Variants in NTF3 observed in about 807,000 individuals in gnomAD.
The protein encoded by NTF3 is neurotrophin 3.
In NTF3, 8 loss-of-function variants were observed where a neutral mutation model predicts 26.3. The observed-to-expected ratio is 0.30, with a 90% CI of 0.18 to 0.55. NTF3 has a LOEUF of 0.55. Ranked by LOEUF, NTF3 falls within the 20% of genes least tolerant of loss-of-function variation. The pLI is 0.93. For missense variants in NTF3, 276 were observed against 352.9 expected (o/e 0.78, Z 1.75); for synonymous variants, 154 against 145.5 (o/e 1.06, Z -0.42).
intron 1 of NTF3, among the ~76,000 whole-genome samples, chr12:5,473,979 AT>A (rs1251817378): frequency 6.6e-6 from 1 of 152,284 alleles, no homozygotes; most frequent in Admixed American, 6.5e-5. Flanking sequence ...TAGTTGGTCT[AT>A]TGCTCTTGGC....
upstream of NTF3, chr12:5,432,031 G>T: frequency 6.0e-6 from 1 of 167,504 alleles, no homozygotes; most frequent in South Asian, 1.7e-4. Flanking sequence ...GGCGCGGCGC[G>T]GAAGGGGTTA....
intron 1 of NTF3, among the ~76,000 whole-genome samples, chr12:5,472,115 C>T (rs955630684): frequency 2.6e-5 from 4 of 152,020 alleles, no homozygotes; most frequent in Admixed American, 1.3e-4. Flanking sequence ...AATTAGGCTC[C>T]GTAAAGCTTT....
rs10849268 is a variant in NTF3, at chr12:5,433,141, C to T, written c.18+799C>T. 6.6e-6 allele frequency: 1 copy of T among 152,198 alleles called. No homozygotes were observed. Among genetic ancestry groups the T allele is most frequent in the Non-Finnish European group, 1.5e-5 (1 of 68,066 alleles). 9.4% of individuals were successfully genotyped at this position (152,198 alleles called of 1,614,324 possible). A position where few individuals can be genotyped will look rare whatever the true frequency, so the allele number is the denominator to read the frequency against. ...TGGCCAGCGCCCACCCGGTGGCCAC[C>T]CCACCCTGGGCCTTTGCGCAGATGT... On this transcript the variant is annotated intron_variant, in intron 1 of 1. Transcript: ENST00000423158. The surrounding 1 kb of genome is among the most constrained non-coding windows in gnomAD (Gnocchi z 4.6).
intron 1 of NTF3, among the ~76,000 whole-genome samples, chr12:5,478,247 G>C (rs1940747541): frequency 6.6e-6 from 1 of 152,156 alleles, no homozygotes; most frequent in Non-Finnish European, 1.5e-5. Flanking sequence ...CCTAAATAGA[G>C]TGCAAAATGA....
chr12:5,489,828 C>T (rs1940911738), intron 1 of NTF3, among the ~76,000 whole-genome samples: 1 of 152,166 alleles, frequency 6.6e-6, no homozygotes, highest in South Asian at 2.1e-4. Flanking sequence ...TTTTCCATGT[C>T]AGCTGCTTCT....
chr12:5,494,149 C>A lies in NTF3; in HGVS notation c.19-45C>A. ...GTAGCTGGTGCCAGAATAACACAGACTCAGCTGCCAGAGCCTGCTCTTAAC... is the reference window on the plus strand; with the variant it reads ...GTAGCTGGTGCCAGAATAACACAGAATCAGCTGCCAGAGCCTGCTCTTAAC... On this transcript the variant is annotated intron_variant, in intron 1 of 1. Coordinates refer to ENST00000423158, the MANE Select transcript of NTF3 (RefSeq NM_001102654.2). The surrounding 1 kb of genome is among the most constrained non-coding windows in gnomAD (Gnocchi z 8.3). 2.5e-6 allele frequency: 4 copies of A among 1,577,526 alleles called. No individual in the cohort carries two copies. The highest frequency in any genetic ancestry group is 2.6e-6 in the Non-Finnish European group (3 of 1,161,058).
intron 1 of NTF3, among the ~76,000 whole-genome samples, chr12:5,451,378 A>G (rs552989518): frequency 1.3e-5 from 2 of 152,364 alleles, no homozygotes; most frequent in African/African-American, 4.8e-5. Flanking sequence ...AGTACTGCAG[A>G]ACTGACTGAG....
intron 1 of NTF3, among the ~76,000 whole-genome samples, chr12:5,445,955 A>T (rs533388692): frequency 2.6e-5 from 4 of 152,198 alleles, no homozygotes; most frequent in Non-Finnish European, 5.9e-5. Flanking sequence ...TTCTTAGCAG[A>T]TTCTGAAGCA....
intron 1 of NTF3, among the ~76,000 whole-genome samples, chr12:5,457,143 CATGCATATTAGGATTTGAGGT>C (rs1417517642): frequency 1.3e-5 from 2 of 152,216 alleles, no homozygotes; most frequent in Non-Finnish European, 2.9e-5. Context: ...TGTATAAAGT[CATGCATATTAGGATTTGAGGT>C]ATGCATGGTC....
In NTF3 at chr12:5,494,287, A is replaced by G; in HGVS notation, c.112A>G (p.Ser38Gly). Residue 38 changes from serine to glycine, a missense_variant, in exon 2 of 2, where the codon AGT (serine) becomes GGT (glycine). By Grantham distance (56) the Ser-to-Gly change is moderately conservative. Transcript: ENST00000423158. This position sits in a 1 kb window ranked among gnomAD's most constrained non-coding sequence, Gnocchi z 8.3. Reference sequence around the variant, plus strand: ...CCAAGGTAACAACATGGATCAAAGGAGTTTGCCAGAAGACTCGCTCAATTC... The same window carrying G: ...CCAAGGTAACAACATGGATCAAAGGGGTTTGCCAGAAGACTCGCTCAATTC... The part of the protein sequence containing the change: ...GIQGNNMDQR[S>G]LPEDSLNSLI... The G allele has an allele frequency of 6.2e-7, 1 of 1,614,106 alleles. No individual in the cohort carries two copies. The highest frequency in any genetic ancestry group is 2.2e-5 in the East Asian group (1 of 44,852).
At position 5,433,291 on chromosome 12, in the gene NTF3, C is replaced by G. The variant is rs1940122554; in HGVS notation, c.18+949C>G. ...CCTGTTCTCGGACTTTGAGCGGTGG[C>G]GTGGGAGGCCGGGAGACCTGGGCAC... On this transcript the variant is annotated intron_variant, in intron 1 of 1. Coordinates refer to ENST00000423158, the MANE Select transcript of NTF3 (RefSeq NM_001102654.2). The surrounding 1 kb of genome is among the most constrained non-coding windows in gnomAD (Gnocchi z 4.6). The G allele has an allele frequency of 6.6e-6, 1 of 152,344 alleles. No individual in the cohort carries two copies. Among genetic ancestry groups the G allele is most frequent in the Admixed American group, 6.5e-5 (1 of 15,280 alleles). 9.4% of individuals were successfully genotyped at this position (152,344 alleles called of 1,614,324 possible).
intron 1 of NTF3, among the ~76,000 whole-genome samples, chr12:5,449,134 AG>A (rs1940341792): frequency 6.6e-6 from 1 of 152,210 alleles, no homozygotes; most frequent in South Asian, 2.1e-4. Flanking sequence ...TGGATGATTG[AG>A]GAGAGCCCTG....
chr12:5,449,813 C>T (rs534855210), intron 1 of NTF3, among the ~76,000 whole-genome samples: 15 of 152,328 alleles, frequency 9.8e-5, no homozygotes, highest in Admixed American at 2.0e-4. Flanking sequence ...AGAACATTCT[C>T]GCACATGCAT....
intron 1 of NTF3, among the ~76,000 whole-genome samples, chr12:5,454,450 ACTCCAG>A (rs1940412414): frequency 2.0e-5 from 3 of 151,174 alleles, no homozygotes; most frequent in South Asian, 4.2e-4. Context: ...AGGGGTTAGG[ACTCCAG>A]CATATCTTGG....
chr12:5,452,096 CTTTTT>C (rs56032205), intron 1 of NTF3, among the ~76,000 whole-genome samples: 7 of 127,002 alleles, frequency 5.5e-5, no homozygotes, highest in Admixed American at 1.6e-4. Context: ...TTTTTCTTTT[CTTTTT>C]TTTTTTTTTT....
intron 1 of NTF3, among the ~76,000 whole-genome samples, chr12:5,457,914 A>C (rs1453549509): frequency 6.6e-6 from 1 of 152,012 alleles, no homozygotes; most frequent in East Asian, 1.9e-4. Context: ...TAACTCTCAT[A>C]ATGCCTCTGG....
chr12:5,448,302 T>C (rs1021805764), intron 1 of NTF3, among the ~76,000 whole-genome samples: 3 of 152,252 alleles, frequency 2.0e-5, no homozygotes, highest in Admixed American at 6.5e-5. Flanking sequence ...GATTGCTGTT[T>C]TCACCTCTTC....
chr12:5,485,284 C>T (rs1940854334), intron 1 of NTF3, among the ~76,000 whole-genome samples: 1 of 152,142 alleles, frequency 6.6e-6, no homozygotes, highest in South Asian at 2.1e-4. Flanking sequence ...ATTAATATAC[C>T]AGCATGCTGC....
intron 1 of NTF3, among the ~76,000 whole-genome samples, chr12:5,491,958 C>A (rs1245378025): frequency 6.6e-6 from 1 of 152,014 alleles, no homozygotes; most frequent in Non-Finnish European, 1.5e-5. Flanking sequence ...TCGTGATCCA[C>A]CCACCTCGGC....
Sources: allele counts gnomAD v4.1 joint callset (sites outside exome capture counted in the v4.1 genomes callset), GRCh38; gene constraint gnomAD v4.1.1; non-coding constraint Gnocchi (gnomAD v3.1); transcripts MANE v1.5; gene names NCBI Gene and HGNC (gene_info 2026-07-23, HGNC 2026-07-21).